Variants in RIMS1 observed in about 807,000 individuals in gnomAD.
RIMS1 encodes the protein regulating synaptic membrane exocytosis 1.
In RIMS1, 83 loss-of-function variants were observed where a neutral mutation model predicts 214.1. That is an observed-to-expected ratio of 0.39 (90% CI 0.32 to 0.47). The LOEUF is 0.47. Ranked by LOEUF, RIMS1 falls within the 20% of genes least tolerant of loss-of-function variation. The pLI is 0.99. For synonymous variants in RIMS1, 793 were observed against 786.8 expected, an observed-to-expected ratio of 1.01 and a Z score of -0.13; for missense variants, 2,050 against 2,161.8, an observed-to-expected ratio of 0.95 and a Z score of 1.03.
At chr6:72,234,598 G>A (rs1239953643) in intron 7 of RIMS1, among the ~76,000 whole-genome samples, 1 of 151,812 alleles carries the variant, frequency 6.6e-6, no homozygotes, top group South Asian at 2.1e-4. Context: ...GTACATTAGG[G>A]TACATTCTTC....
chr6:72,194,410 C>G (rs938457682), intron 6 of RIMS1, among the ~76,000 whole-genome samples: 1 of 151,764 alleles, frequency 6.6e-6, no homozygotes, highest in Non-Finnish European at 1.5e-5. Flanking sequence ...TAGATATATA[C>G]TACTATTTGT....
intron 23 of RIMS1, among the ~76,000 whole-genome samples, chr6:72,280,390 T>G (rs886678555): frequency 5.9e-5 from 9 of 152,038 alleles, no homozygotes; most frequent in Non-Finnish European, 1.0e-4. Flanking sequence ...TTTATATATC[T>G]CAATCCAATT....
At chr6:71,946,637 T>C (rs1200320932) in intron 1 of RIMS1, among the ~76,000 whole-genome samples, 1 of 152,044 alleles carries the variant, frequency 6.6e-6, no homozygotes, top group Non-Finnish European at 1.5e-5. Context: ...CAACTCAAAA[T>C]GAATTAAACA....
At chr6:72,001,348 G>A (rs771097785) in intron 2 of RIMS1, among the ~76,000 whole-genome samples, 53 of 151,990 alleles carry the variant, frequency 3.5e-4, no homozygotes, top group African/African-American at 1.1e-3. Context: ...ATGAAAAAAC[G>A]TTACTCAGAC....
chr6:71,928,091 A>G (rs912230125), intron 1 of RIMS1, among the ~76,000 whole-genome samples: 1 of 152,138 alleles, frequency 6.6e-6, no homozygotes, highest in Admixed American at 6.6e-5. Flanking sequence ...TGAAAAGACA[A>G]ACTCTTTGCC....
chr6:71,982,145 T>C (rs1433200853), intron 2 of RIMS1, among the ~76,000 whole-genome samples: 1 of 152,168 alleles, frequency 6.6e-6, no homozygotes, highest in East Asian at 1.9e-4. Flanking sequence ...TAACTCTGCA[T>C]TTCCATGCAA....
chr6:71,894,565 G>A (rs558945197), intron 1 of RIMS1, among the ~76,000 whole-genome samples: 3 of 152,276 alleles, frequency 2.0e-5, no homozygotes, highest in East Asian at 1.9e-4. Flanking sequence ...TATGAATTGC[G>A]ACTTCATACA....
intron 29 of RIMS1, among the ~76,000 whole-genome samples, chr6:72,370,218 C>A (rs2098172304): frequency 1.3e-5 from 2 of 152,228 alleles, no homozygotes; most frequent in East Asian, 3.9e-4. Flanking sequence ...GAAAATTTGA[C>A]CTGAGAAGAG....
intron 29 of RIMS1, chr6:72,365,902 G>A (rs1034467316): frequency 2.0e-5 from 3 of 152,198 alleles, no homozygotes; most frequent in Non-Finnish European, 2.9e-5. Context: ...TGAAGAAGAC[G>A]GGCCTTAGAA....
At chr6:72,057,177 A>C (rs1191107781) in intron 2 of RIMS1, among the ~76,000 whole-genome samples, 2 of 152,222 alleles carry the variant, frequency 1.3e-5, no homozygotes, top group Non-Finnish European at 2.9e-5. Context: ...AAGTTAAAAA[A>C]AATTCAAACT....
intron 4 of RIMS1, among the ~76,000 whole-genome samples, chr6:72,165,095 T>G (rs933327661): frequency 1.3e-5 from 2 of 152,212 alleles, no homozygotes. Flanking sequence ...ATACATATAT[T>G]AAATATTTTT....
Position 72,108,601 on chromosome 6 carries a change from C to T in RIMS1, c.471+8615C>T, listed in dbSNP as rs528463041. The stretch of plus-strand genomic sequence containing the variant: ...TCCTGCCCTCACTGTGGGTTAACTA[C>T]AAGTACATGTATCTCATTTTTCCCA... On this transcript the variant is annotated intron_variant, in intron 4 of 33. Coordinates refer to ENST00000521978, the MANE Select transcript of RIMS1 (RefSeq NM_014989.7). Among the ~76,000 whole-genome samples the T allele has an allele frequency of 3.4e-4, 52 of 152,170 alleles. No individual in the cohort carries two copies. The South Asian group carries it at 0.01, about 30-fold the overall frequency.
chr6:72,333,844 T>C lies in RIMS1; in HGVS notation c.4366+9T>C. On this transcript the variant is annotated intron_variant, in intron 29 of 33. Coordinates refer to ENST00000521978, the MANE Select transcript of RIMS1 (RefSeq NM_014989.7). The stretch of plus-strand genomic sequence containing the variant: ...CCAGCTTAGTCAAACAGGTGAGTGA[T>C]GTGAATTCAACCTAAACAACTCAAT... 6.5e-7 allele frequency: 1 copy of C among 1,550,016 alleles called. No homozygotes were observed. The highest frequency in any genetic ancestry group is 8.8e-7 in the Non-Finnish European group (1 of 1,141,140).
chr6:72,007,206 G>T (rs1292653474), intron 2 of RIMS1, among the ~76,000 whole-genome samples: 1 of 152,174 alleles, frequency 6.6e-6, no homozygotes, highest in East Asian at 1.9e-4. Flanking sequence ...TGATACCCAG[G>T]CAAACAGGGT....
chr6:72,260,481 CAATGGCAA>C (rs1356321529), intron 18 of RIMS1, among the ~76,000 whole-genome samples: 1 of 152,098 alleles, frequency 6.6e-6, no homozygotes, highest in Non-Finnish European at 1.5e-5. Context: ...TTTTGAAATA[CAATGGCAA>C]ATCAGCAACA....
chr6:72,374,716 G>A (rs1039000804), intron 29 of RIMS1, among the ~76,000 whole-genome samples: 1 of 152,120 alleles, frequency 6.6e-6, no homozygotes, highest in Non-Finnish European at 1.5e-5. Flanking sequence ...GGGTAAAGGG[G>A]GAGGATGATT....
At chr6:72,089,320 T>C (rs1342848277) in intron 2 of RIMS1, among the ~76,000 whole-genome samples, 1 of 152,174 alleles carries the variant, frequency 6.6e-6, no homozygotes, top group African/African-American at 2.4e-5. Context: ...GATCTCCTGC[T>C]GTGGCTCTTG....
intron 2 of RIMS1, among the ~76,000 whole-genome samples, chr6:72,013,379 C>A (rs1030999253): frequency 6.6e-6 from 1 of 152,172 alleles, no homozygotes; most frequent in Admixed American, 6.6e-5. Flanking sequence ...CACCAACCAT[C>A]TTTTGAATGT....
chr6:72,130,883 T>A (rs150848235), intron 4 of RIMS1, among the ~76,000 whole-genome samples: 6 of 152,230 alleles, frequency 3.9e-5, no homozygotes, highest in African/African-American at 1.4e-4. Context: ...ATAAAGAAAT[T>A]GGCAAAATAT....
Sources: allele counts gnomAD v4.1 joint callset (sites outside exome capture counted in the v4.1 genomes callset), GRCh38; gene constraint gnomAD v4.1.1; transcripts MANE v1.5; gene names NCBI Gene and HGNC (gene_info 2026-07-23, HGNC 2026-07-21).